Variants in ASPSCR1 observed in about 807,000 individuals in gnomAD.
The protein encoded by ASPSCR1 is tether containing UBX domain for GLUT4.
In ASPSCR1, 55 loss-of-function variants were observed where a neutral mutation model predicts 68.9. The observed-to-expected ratio is 0.80, with a 90% confidence interval of 0.64 to 1.00. ASPSCR1 has a LOEUF of 1.00. Ranked by LOEUF, ASPSCR1 falls within the 50% of genes least tolerant of loss-of-function variation. The pLI is 0.00. For missense variants in ASPSCR1, 765 were observed against 762.2 expected, an observed-to-expected ratio of 1.00 and a Z score of -0.04; for synonymous variants, 352 against 332.6, an observed-to-expected ratio of 1.06 and a Z score of -0.63.
intron 4 of ASPSCR1, among the ~76,000 whole-genome samples, chr17:81,991,995 G>C (rs1204864230): frequency 6.6e-6 from 1 of 152,270 alleles, no homozygotes; most frequent in African/African-American, 2.4e-5. Flanking sequence ...CAGCAGAGGC[G>C]TGTCTGCCCT....
rs994429229 is a variant in ASPSCR1 at position 82,009,799 on chromosome 17, CTG to C, written c.1170+235_1170+236del. ...GCTCTGAGGGGGCCCCCTGTGAGGT[CTG>C]TGGATGGGACGTGGGGGCGACTGAG... On this transcript the variant is annotated intron_variant, in intron 9 of 15. Transcript: ENST00000306739. The C allele has an allele frequency of 5.5e-5, 24 of 438,814 alleles. 1 individual carries two copies. Among genetic ancestry groups the C allele is most frequent in the African/African-American group, 4.8e-4 (23 of 48,284 alleles). 27.2% of individuals were successfully genotyped at this position (438,814 alleles called of 1,614,324 possible).
chr17:81,985,434 G>C (rs542107735), intron 3 of ASPSCR1, 73 bp from the exon 4 acceptor site: 5 of 1,500,046 alleles, frequency 3.3e-6, no homozygotes, highest in African/African-American at 1.4e-5. Flanking sequence ...TGTGTCTGGA[G>C]AATCAGTCTG....
At position 81,996,807 on chromosome 17, in the gene ASPSCR1, G is replaced by A. The variant is rs1212477530; in HGVS notation, c.894G>A (p.Glu298=). 1.2e-6 allele frequency: 2 copies of A among 1,608,210 alleles called. No homozygotes were observed. The highest frequency in any genetic ancestry group is 1.7e-6 in the Non-Finnish European group (2 of 1,178,350). The stretch of plus-strand genomic sequence containing the variant: ...ATCCCCAGCAGGAGCAGGAGCAGGA[G>A]CGGGAGCGGGATCCCCAGCAGGAGC... ...GQDPQQEQEQ[E]RERDPQQEQE... Residue 298 remains glutamate (E), a synonymous_variant, in exon 7 of 16, where the codon GAG becomes GAA. Transcript: ENST00000306739.
chr17:81,994,787 G>A (rs1435750775), intron 4 of ASPSCR1, 34 bp from the exon 5 acceptor site: 1 of 1,608,766 alleles, frequency 6.2e-7, no homozygotes, highest in Admixed American at 1.7e-5. Flanking sequence ...GAGCTGCCCT[G>A]GGGTACCTGA....
intron 6 of ASPSCR1, 49 bp downstream of exon 6, chr17:81,996,114 A>G (rs1426755767): frequency 6.6e-7 from 1 of 1,524,872 alleles, no homozygotes; most frequent in East Asian, 2.3e-5. Context: ...CTAAAAAAAA[A>G]AGTGGTCTCA....
At chr17:82,016,702 A>AC in intron 13 of ASPSCR1, 98 bp from the exon 14 acceptor site, 4 of 1,477,568 alleles carry the variant, frequency 2.7e-6, no homozygotes, top group South Asian at 1.2e-5. Context: ...CCTGCTGGCC[A>AC]CCCCCCTCCC....
chr17:82,002,815 C>T (rs2042579100), intron 7 of ASPSCR1, among the ~76,000 whole-genome samples: 1 of 151,844 alleles, frequency 6.6e-6, no homozygotes, highest in Non-Finnish European at 1.5e-5. Context: ...GCTTTGGCCT[C>T]CCAAATTGTT....
At chr17:81,989,461 C>T (rs996088875) in intron 4 of ASPSCR1, among the ~76,000 whole-genome samples, 1 of 152,182 alleles carries the variant, frequency 6.6e-6, no homozygotes, top group Non-Finnish European at 1.5e-5. Flanking sequence ...CTTGGGAAGT[C>T]CAGGTGTCCG....
In ASPSCR1 at chr17:81,996,532, C is replaced by T; in HGVS notation, c.619C>T (p.Leu207Phe). ...TCCACTTCCCTTGGAATCTGGGGAG[C>T]TCAGCCGCGGCGACTTGAGCCGTCC... Reference protein sequence around the residue: ...SAPLPLESGELSRGDLSRPED... With the variant: ...SAPLPLESGEFSRGDLSRPED... The change falls in exon 7 of 16, where the codon CTC (leucine) becomes TTC (phenylalanine). Residue 207 changes from leucine (L) to phenylalanine (F), a missense_variant. Leu to Phe is a conservative substitution (Grantham distance 22). Coordinates refer to ENST00000306739, the MANE Select transcript of ASPSCR1 (RefSeq NM_024083.4). 1 of 1,612,872 alleles carries T rather than the reference C, an allele frequency of 6.2e-7. No homozygotes were observed. Among genetic ancestry groups the T allele is most frequent in the Non-Finnish European group, 8.5e-7 (1 of 1,179,672 alleles).
intron 1 of ASPSCR1, chr17:81,978,093 T>G: frequency 2.0e-4 from 33 of 165,994 alleles, no homozygotes; most frequent in Non-Finnish European, 3.4e-4. Flanking sequence ...CGCGTTCCCA[T>G]TCCGGGGCGT....
At chr17:81,991,359 C>T (rs1191476201) in intron 4 of ASPSCR1, among the ~76,000 whole-genome samples, 1 of 152,198 alleles carries the variant, frequency 6.6e-6, no homozygotes. Context: ...TCAGCCTGTT[C>T]CTCCTTCTGT....
Position 81,983,480 on chromosome 17 carries a change from G to GGGATGGCGGGGCAT in ASPSCR1, c.159-62_159-61insATGGATGGCGGGGC. On this transcript the variant is annotated intron_variant, in intron 2 of 15. Transcript: ENST00000306739. The surrounding 1 kb of genome is among the most constrained non-coding windows in gnomAD (Gnocchi z 4.4). ...ATGGCGGGGCGTGGATGGTGGGACG[G>GGGATGGCGGGGCAT]GGATGGCGGGGCGTGGATGGCAGGG... 8.3e-7 allele frequency: 1 copy of GGGATGGCGGGGCAT among 1,211,560 alleles called. No homozygotes were observed. Among genetic ancestry groups the GGGATGGCGGGGCAT allele is most frequent in the South Asian group, 1.3e-5 (1 of 74,254 alleles). 75.1% of individuals were successfully genotyped at this position (1,211,560 alleles called of 1,614,324 possible).
intron 7 of ASPSCR1, chr17:82,008,810 AGGGGG>A (rs1055316327): frequency 1.8e-5 from 9 of 494,276 alleles, no homozygotes; most frequent in Admixed American, 8.1e-5. Flanking sequence ...TGACTGGGAG[AGGGGG>A]GTCTCCAGCC....
intron 7 of ASPSCR1, among the ~76,000 whole-genome samples, chr17:82,003,039 A>C (rs1365983963): frequency 6.6e-6 from 1 of 150,756 alleles, no homozygotes; most frequent in Non-Finnish European, 1.5e-5. Context: ...GTAGAGATGG[A>C]GTTTTCATCA....
chr17:81,995,624 AC>A (rs2042311100), intron 5 of ASPSCR1: 1 of 432,744 alleles, frequency 2.3e-6, no homozygotes, highest in Non-Finnish European at 4.2e-6. Context: ...AGGAATGGCC[AC>A]CCCCGTGGGT....
At position 82,017,011 on chromosome 17, in the gene ASPSCR1, G is replaced by A. The variant is rs779058676; in HGVS notation, c.1546G>A (p.Ala516Thr). Residue 516 changes from alanine to threonine, a missense_variant, in exon 15 of 16, where the codon GCT becomes ACT. Ala to Thr is a moderately conservative substitution (Grantham distance 58). Transcript: ENST00000306739. Reference sequence around the variant, plus strand: ...TGACCCTGCACCTAAGTCTGAGCCAGCTGCTGAGGAGGGGGCGCTGGTCCC... The same window carrying A: ...TGACCCTGCACCTAAGTCTGAGCCAACTGCTGAGGAGGGGGCGCTGGTCCC... The part of the protein sequence containing the change: ...APDPAPKSEP[A>T]AEEGALVPPE... 2 of 1,612,502 alleles carry A rather than the reference G, an allele frequency of 1.2e-6. No individual in the cohort carries two copies. Among genetic ancestry groups the A allele is most frequent in the Admixed American group, 3.3e-5 (2 of 59,992 alleles).
rs1567954624 is a variant in ASPSCR1, at chr17:81,983,466, TGGATGGTGGGACGG to T, written c.159-81_159-68del. On this transcript the variant is annotated intron_variant, in intron 2 of 15. Transcript: ENST00000306739. This position sits in a 1 kb window ranked among gnomAD's most constrained non-coding sequence, Gnocchi z 4.4. Reference sequence around the variant, plus strand: ...ATGGCGGGGCGTGGATGGCGGGGCGTGGATGGTGGGACGGGGATGGCGGGGCGTGGATGGCAGGG... The same window carrying T: ...ATGGCGGGGCGTGGATGGCGGGGCGTGGATGGCGGGGCGTGGATGGCAGGG... 53 of 973,002 alleles carry T rather than the reference TGGATGGTGGGACGG, an allele frequency of 5.4e-5. 1 individual carries two copies. In the South Asian group the frequency reaches 8.0e-4, roughly 15 times the overall value. 60.3% of individuals were successfully genotyped at this position (973,002 alleles called of 1,614,324 possible).
intron 3 of ASPSCR1, 61 bp from the exon 4 acceptor site, chr17:81,985,446 G>C: frequency 6.5e-7 from 1 of 1,546,408 alleles, no homozygotes; most frequent in Non-Finnish European, 8.9e-7. Context: ...ATCAGTCTGG[G>C]ATTTAGAAGG....
At chr17:81,989,076 TGAGG>T (rs2144021980) in intron 4 of ASPSCR1, among the ~76,000 whole-genome samples, 1 of 152,012 alleles carries the variant, frequency 6.6e-6, no homozygotes, top group African/African-American at 2.4e-5. Context: ...GGTGTGGTGG[TGAGG>T]GCCTGTAATC....
Sources: allele counts gnomAD v4.1 joint callset (sites outside exome capture counted in the v4.1 genomes callset), GRCh38; gene constraint gnomAD v4.1.1; non-coding constraint Gnocchi (gnomAD v3.1); transcripts MANE v1.5; gene names NCBI Gene and HGNC (gene_info 2026-07-23, HGNC 2026-07-21).